The following RAF1 variants were observed in gnomAD, a reference collection of about 807,000 sequenced individuals.
The protein encoded by RAF1 is Raf-1 proto-oncogene, serine/threonine kinase, also known as RAF proto-oncogene serine/threonine-protein kinase.
In RAF1, 27 loss-of-function variants were observed where a neutral mutation model predicts 81.1. That is an observed-to-expected ratio of 0.33 (90% CI 0.25 to 0.46). The LOEUF is 0.46. Ranked by LOEUF, RAF1 falls within the 20% of genes least tolerant of loss-of-function variation. The probability of loss-of-function intolerance (pLI) is 1.00; values close to 1 mark genes in which losing one functional copy is unlikely to be tolerated. For missense variants in RAF1, 598 were observed against 826.0 expected, an observed-to-expected ratio of 0.72 and a Z score of 3.38; for synonymous variants, 298 against 294.0, an observed-to-expected ratio of 1.01 and a Z score of -0.14.
intron 1 of RAF1, among the ~76,000 whole-genome samples, chr3:12,657,634 G>C (rs767480626): frequency 2.0e-5 from 3 of 151,932 alleles, no homozygotes; most frequent in African/African-American, 4.8e-5. Context: ...AGTCGGGCAT[G>C]GTGGTGCATG....
chr3:12,621,165 G>A (rs1439086871), intron 1 of RAF1, among the ~76,000 whole-genome samples: 1 of 152,098 alleles, frequency 6.6e-6, no homozygotes, highest in Non-Finnish European at 1.5e-5. Context: ...AATACTTACA[G>A]TATTACTCTA....
chr3:12,624,364 CAAG>C (rs1175462840), intron 1 of RAF1, among the ~76,000 whole-genome samples: 4 of 152,026 alleles, frequency 2.6e-5, no homozygotes, highest in East Asian at 1.9e-4. Flanking sequence ...CATCTGAAAA[CAAG>C]GAGGAAAAAG....
intron 1 of RAF1, among the ~76,000 whole-genome samples, chr3:12,651,698 A>G (rs893269086): frequency 5.3e-5 from 8 of 151,004 alleles, no homozygotes; most frequent in African/African-American, 1.7e-4. Context: ...ATACATGTTC[A>G]AAGAGGGAGG....
chr3:12,597,831 C>T (rs2058732272), intron 11 of RAF1, among the ~76,000 whole-genome samples: 1 of 151,606 alleles, frequency 6.6e-6, no homozygotes, highest in Non-Finnish European at 1.5e-5. Context: ...AGGAGGATGG[C>T]TAGCTTGAGC....
intron 5 of RAF1, chr3:12,608,431 G>T (rs909583017): frequency 3.3e-6 from 1 of 301,552 alleles, no homozygotes; most frequent in Admixed American, 4.5e-5. Flanking sequence ...GTGTCTACTA[G>T]CAACCCCAGT....
chr3:12,603,413 C>A, intron 8 of RAF1: 1 of 624,154 alleles, frequency 1.6e-6, no homozygotes, highest in Non-Finnish European at 2.9e-6. Flanking sequence ...TGGTAGTCTG[C>A]TGTCTGACAG....
At chr3:12,620,136 A>ATT (rs1553617018) in intron 1 of RAF1, among the ~76,000 whole-genome samples, 1 of 151,688 alleles carries the variant, frequency 6.6e-6, no homozygotes, top group Non-Finnish European at 1.5e-5. Flanking sequence ...AACCCCAAAG[A>ATT]TTTTCTTTTC....
chr3:12,633,140 A>C (rs1051389764), intron 1 of RAF1, among the ~76,000 whole-genome samples: 1 of 151,816 alleles, frequency 6.6e-6, no homozygotes. Flanking sequence ...AAGAGGTTGC[A>C]AAGGAATATC....
At chr3:12,610,123 A>G (rs61762460) in intron 3 of RAF1, among the ~76,000 whole-genome samples, 6 of 152,350 alleles carry the variant, frequency 3.9e-5, no homozygotes, top group African/African-American at 9.6e-5. Context: ...AAATAGATAC[A>G]TAAGTAAAAA....
chr3:12,655,686 T>G (rs1318311394), intron 1 of RAF1, among the ~76,000 whole-genome samples: 1 of 152,124 alleles, frequency 6.6e-6, no homozygotes, highest in Non-Finnish European at 1.5e-5. Context: ...TGTCCATCAC[T>G]GATGAGGAGA....
chr3:12,658,477 C>T (rs1202119890), intron 1 of RAF1, among the ~76,000 whole-genome samples: 1 of 152,080 alleles, frequency 6.6e-6, no homozygotes, highest in East Asian at 1.9e-4. Context: ...TGGCGCATGC[C>T]TGTAATCCCA....
At chr3:12,644,535 A>T (rs761619610) in intron 1 of RAF1, among the ~76,000 whole-genome samples, 1 of 152,200 alleles carries the variant, frequency 6.6e-6, no homozygotes, top group Non-Finnish European at 1.5e-5. Context: ...AAGAGAGTCA[A>T]GAAGCAGCTG....
chr3:12,632,862 T>G (rs535690886), intron 1 of RAF1, among the ~76,000 whole-genome samples: 8 of 152,212 alleles, frequency 5.3e-5, no homozygotes, highest in Admixed American at 1.3e-4. Context: ...AAAAAAGTAG[T>G]CCCAGGCTTA....
At chr3:12,650,145 C>CAA (rs36098034) in intron 1 of RAF1, among the ~76,000 whole-genome samples, 2,767 of 76,630 alleles carry the variant, frequency 0.036, 170 homozygotes, top group East Asian at 0.044. Flanking sequence ...GACTCCATCT[C>CAA]AAAAAAAAAA....
At chr3:12,646,162 C>T (rs908857046) in intron 1 of RAF1, among the ~76,000 whole-genome samples, 1 of 152,054 alleles carries the variant, frequency 6.6e-6, no homozygotes, top group Non-Finnish European at 1.5e-5. Flanking sequence ...TTTTTAGAGA[C>T]GGAGTCTCCC....
chr3:12,587,827 A>T (rs2058374152), intron 13 of RAF1, among the ~76,000 whole-genome samples, 190 bp from the exon 13 acceptor site: 1 of 126,734 alleles, frequency 7.9e-6, no homozygotes, highest in African/African-American at 3.0e-5. Context: ...CAGCACAAAC[A>T]TGCTTACACC....
At chr3:12,627,742 CTG>C (rs1435912138) in intron 1 of RAF1, among the ~76,000 whole-genome samples, 3 of 152,158 alleles carry the variant, frequency 2.0e-5, no homozygotes, top group Non-Finnish European at 4.4e-5. Context: ...CAATTCATGA[CTG>C]TTATGGTGTA....
At chr3:12,587,988 G>A (rs1193022653) in intron 13 of RAF1, 1 of 134,584 alleles carries the variant, frequency 7.4e-6, no homozygotes, top group African/African-American at 4.2e-5. Flanking sequence ...TTTTTTTTGG[G>A]TAGATACAGG....
At chr3:12,654,134 G>A (rs1353675401) in intron 1 of RAF1, among the ~76,000 whole-genome samples, 3 of 151,070 alleles carry the variant, frequency 2.0e-5, no homozygotes, top group Non-Finnish European at 4.4e-5. Context: ...TGGGACTACA[G>A]GCGCATACCA....
Sources: allele counts gnomAD v4.1 joint callset (sites outside exome capture counted in the v4.1 genomes callset), GRCh38; gene constraint gnomAD v4.1.1; transcripts MANE v1.5; gene names NCBI Gene and HGNC (gene_info 2026-07-23, HGNC 2026-07-21).